Variants in CYP2C18 observed in about 807,000 individuals in gnomAD.
CYP2C18 encodes the protein cytochrome P450 family 2 subfamily C member 18, also known as cytochrome P450 2C18.
In CYP2C18, 38 loss-of-function variants were observed where a neutral mutation model predicts 41.3. The ratio of observed to expected loss-of-function variants is 0.92; its 90% CI spans 0.71 to 1.21. The LOEUF is 1.21. CYP2C18 is among the 50% of genes most tolerant of loss of function. The pLI, the probability that CYP2C18 is intolerant of heterozygous loss-of-function variation, is 0.00. For synonymous variants in CYP2C18, 236 were observed against 210.0 expected, an observed-to-expected ratio of 1.12 and a Z score of -1.07; for missense variants, 635 against 591.4, an observed-to-expected ratio of 1.07 and a Z score of -0.77.
intron 5 of CYP2C18, among the ~76,000 whole-genome samples, chr10:94,711,389 A>T (rs906784458): frequency 6.6e-6 from 1 of 152,064 alleles, no homozygotes; most frequent in African/African-American, 2.4e-5. Flanking sequence ...ATGAGTCTGC[A>T]GGCAATATTG....
Position 94,733,385 on chromosome 10 carries a change from T to A in CYP2C18, c.1238T>A (p.Leu413Gln), listed in dbSNP as rs1265233040. The change falls in exon 8 of 9, where the codon CTG (leucine) becomes CAG (glutamine). Residue 413 changes from leucine to glutamine, a missense_variant. Transcript: ENST00000285979. Reference sequence around the variant, plus strand: ...GAGATGTTTGACCCTGGCCACTTTCTGGATAAGAGTGGCAACTTTAAGAAA... The same window carrying A: ...GAGATGTTTGACCCTGGCCACTTTCAGGATAAGAGTGGCAACTTTAAGAAA... ...NPEMFDPGHFLDKSGNFKKSD... is the reference protein window; with the variant it reads ...NPEMFDPGHFQDKSGNFKKSD... The A allele has an allele frequency of 6.2e-7, 1 of 1,613,298 alleles. No individual in the cohort carries two copies. Among genetic ancestry groups the A allele is most frequent in the East Asian group, 2.2e-5 (1 of 44,852 alleles).
At chr10:94,724,273 T>C in intron 6 of CYP2C18, 73 bp from the exon 7 acceptor site, 1 of 1,494,028 alleles carries the variant, frequency 6.7e-7, no homozygotes, top group South Asian at 1.1e-5. Context: ...CTTATGCTTC[T>C]TGTAACCTGA....
At chr10:94,711,392 C>A (rs953154549) in intron 5 of CYP2C18, among the ~76,000 whole-genome samples, 9 of 152,014 alleles carry the variant, frequency 5.9e-5, no homozygotes, top group Admixed American at 6.6e-5. Context: ...AGTCTGCAGG[C>A]AATATTGAGT....
At chr10:94,704,790 GTCT>G (rs1847307926) in intron 4 of CYP2C18, among the ~76,000 whole-genome samples, 1 of 152,154 alleles carries the variant, frequency 6.6e-6, no homozygotes, top group Non-Finnish European at 1.5e-5. Context: ...CAAAGAAACT[GTCT>G]CCCAGCTTTT....
chr10:94,707,032 G>T, intron 5 of CYP2C18, 72 bp downstream of exon 5: 12 of 1,317,548 alleles, frequency 9.1e-6, no homozygotes, highest in Non-Finnish European at 1.2e-5. Flanking sequence ...TAAATAGTGA[G>T]GCAAGAAACA....
chr10:94,695,153 A>T (rs1847091616), intron 4 of CYP2C18, 76 bp downstream of exon 4: 6 of 1,315,490 alleles, frequency 4.6e-6, no homozygotes, highest in South Asian at 1.4e-5. Context: ...TTAATTTTTT[A>T]AAATTATACT....
intron 4 of CYP2C18, among the ~76,000 whole-genome samples, chr10:94,701,199 G>C (rs1847236577): frequency 6.6e-6 from 1 of 152,106 alleles, no homozygotes; most frequent in South Asian, 2.1e-4. Flanking sequence ...ATTCACAATA[G>C]CAAAGACTTG....
At position 94,735,529 on chromosome 10, in the gene CYP2C18, G is replaced by A; in HGVS notation, c.*85G>A. 1 of 1,306,616 alleles carries A rather than the reference G, an allele frequency of 7.7e-7. No individual in the cohort carries two copies. Among genetic ancestry groups the A allele is most frequent in the Non-Finnish European group, 1.1e-6 (1 of 918,858 alleles). 80.9% of individuals were successfully genotyped at this position (1,306,616 alleles called of 1,614,324 possible). On this transcript the variant is annotated 3_prime_UTR_variant, in exon 9 of 9. Coordinates refer to ENST00000285979, the MANE Select transcript of CYP2C18 (RefSeq NM_000772.3). ...CCATTGGCCTCTCCCTTCTCTCTGTGAGGGATATTTTCTCTGACTTGTCAA... is the reference window on the plus strand; with the variant it reads ...CCATTGGCCTCTCCCTTCTCTCTGTAAGGGATATTTTCTCTGACTTGTCAA...
At chr10:94,696,879 A>G (rs778116319) in intron 4 of CYP2C18, among the ~76,000 whole-genome samples, 1 of 152,194 alleles carries the variant, frequency 6.6e-6, no homozygotes, top group Non-Finnish European at 1.5e-5. Context: ...AAAGGGTATC[A>G]GTGGTGGAAG....
chr10:94,700,255 G>T (rs1330053361), intron 4 of CYP2C18, among the ~76,000 whole-genome samples: 1 of 152,164 alleles, frequency 6.6e-6, no homozygotes, highest in Non-Finnish European at 1.5e-5. Context: ...AAGCAAAACA[G>T]CATGGTACTG....
intron 4 of CYP2C18, among the ~76,000 whole-genome samples, chr10:94,704,459 T>A (rs371907414): frequency 2.6e-5 from 4 of 151,512 alleles, no homozygotes; most frequent in South Asian, 4.2e-4. Flanking sequence ...TTTTCTTGAA[T>A]GTGGAGAGGC....
chr10:94,690,553 A>G (rs1057267238), intron 3 of CYP2C18, among the ~76,000 whole-genome samples: 6 of 152,136 alleles, frequency 3.9e-5, no homozygotes, highest in Non-Finnish European at 5.9e-5. Context: ...TAGCTTACCA[A>G]CCAAAAAAAG....
intron 7 of CYP2C18, among the ~76,000 whole-genome samples, chr10:94,732,849 C>G (rs749471851): frequency 6.6e-6 from 1 of 152,016 alleles, no homozygotes; most frequent in Non-Finnish European, 1.5e-5. Flanking sequence ...CTGTTGGATA[C>G]TGTGCTCTCT....
chr10:94,725,802 G>A (rs561175139), intron 7 of CYP2C18, among the ~76,000 whole-genome samples: 25 of 151,952 alleles, frequency 1.6e-4, no homozygotes, highest in African/African-American at 6.0e-4. Context: ...TACACAGCTG[G>A]GTTTTATTTG....
chr10:94,694,557 A>G lies in CYP2C18; in HGVS notation c.482-360A>G, dbSNP rs762901353. 3.9e-5 allele frequency among the ~76,000 whole-genome samples: 6 copies of G among 152,238 alleles called. No homozygotes were observed. The Middle Eastern group carries it at 0.01, about 259-fold the overall frequency. On this transcript the variant is annotated intron_variant, in intron 3 of 8. Transcript: ENST00000285979. Reference sequence around the variant, plus strand: ...AATCAATTGTCTACAAGCTTTTCAGACAGATGTTATTTTGCACTGATGACC... The same window carrying G: ...AATCAATTGTCTACAAGCTTTTCAGGCAGATGTTATTTTGCACTGATGACC...
intron 5 of CYP2C18, among the ~76,000 whole-genome samples, chr10:94,719,882 G>T (rs1379153701): frequency 6.6e-6 from 1 of 151,238 alleles, no homozygotes; most frequent in East Asian, 2.0e-4. Context: ...CCAAGTTTTT[G>T]ATTTTTTTTT....
At chr10:94,732,905 A>G (rs768983791) in intron 7 of CYP2C18, among the ~76,000 whole-genome samples, 5 of 152,088 alleles carry the variant, frequency 3.3e-5, no homozygotes, top group Non-Finnish European at 5.9e-5. Flanking sequence ...AGCATCACAC[A>G]ATATACCCAT....
chr10:94,709,400 CT>C (rs1360870506), intron 5 of CYP2C18, among the ~76,000 whole-genome samples: 6 of 152,070 alleles, frequency 3.9e-5, no homozygotes, highest in Admixed American at 3.9e-4. Context: ...ATTTGTGTAT[CT>C]CTTTGGATAA....
intron 5 of CYP2C18, among the ~76,000 whole-genome samples, 177 bp downstream of exon 5, chr10:94,707,137 C>T (rs1847359765): frequency 6.6e-6 from 1 of 150,394 alleles, no homozygotes; most frequent in African/African-American, 2.4e-5. Context: ...TATATGTGAG[C>T]ACCATTGTTA....
Sources: allele counts gnomAD v4.1 joint callset (sites outside exome capture counted in the v4.1 genomes callset), GRCh38; gene constraint gnomAD v4.1.1; transcripts MANE v1.5; gene names NCBI Gene and HGNC (gene_info 2026-07-23, HGNC 2026-07-21).